ATXN7: variants seen among roughly 807,000 people sequenced by gnomAD.
ATXN7 encodes ataxin 7, also known as ataxin-7.
In ATXN7, 12 loss-of-function variants were observed where a neutral mutation model predicts 70.5. That is an observed-to-expected ratio of 0.17 (90% CI 0.11 to 0.28). ATXN7 has a LOEUF of 0.28. ATXN7 is among the 10% of genes least tolerant of loss of function. The probability of loss-of-function intolerance (pLI) is 1.00; values close to 1 mark genes in which losing one functional copy is unlikely to be tolerated. For synonymous variants in ATXN7, 498 were observed against 448.7 expected, an observed-to-expected ratio of 1.11 and a Z score of -1.39; for missense variants, 1,256 against 1,131.7, an observed-to-expected ratio of 1.11 and a Z score of -1.58.
intron 2 of ATXN7, among the ~76,000 whole-genome samples, chr3:63,908,791 T>C (rs1019964343): frequency 5.9e-5 from 9 of 152,198 alleles, no homozygotes; most frequent in African/African-American, 2.2e-4. Context: ...ATTTTATGAG[T>C]GCAAAGAATC....
chr3:63,961,876 C>T (rs1209016846), intron 5 of ATXN7, among the ~76,000 whole-genome samples: 2 of 152,182 alleles, frequency 1.3e-5, no homozygotes, highest in Non-Finnish European at 2.9e-5. Flanking sequence ...GGATATAAAT[C>T]CATATTTTAT....
chr3:63,920,012 T>A (rs1704445376), intron 4 of ATXN7, among the ~76,000 whole-genome samples: 1 of 152,010 alleles, frequency 6.6e-6, no homozygotes, highest in African/African-American at 2.4e-5. Flanking sequence ...AGCTGAAGCC[T>A]TGTTACAGGT....
chr3:63,940,155 C>T (rs149834164), intron 4 of ATXN7, among the ~76,000 whole-genome samples: 3 of 152,096 alleles, frequency 2.0e-5, no homozygotes, highest in East Asian at 3.9e-4. Flanking sequence ...TAGAGTTGTG[C>T]GCATGCCCAG....
chr3:63,926,118 C>T (rs1286566258), intron 4 of ATXN7, among the ~76,000 whole-genome samples: 6 of 152,142 alleles, frequency 3.9e-5, no homozygotes, highest in African/African-American at 1.2e-4. Context: ...TGTTTCTCCC[C>T]GGTAAAACCC....
At position 63,925,320 on chromosome 3, in the gene ATXN7, G is replaced by A. The variant is rs111761070; in HGVS notation, c.394+12095G>A. On this transcript the variant is annotated intron_variant, in intron 4 of 12. Transcript: ENST00000674280. ...TTGTAGTAGGGATCCCCAACTTCTC[G>A]GCTGTGGATCAGTACCCGCCTATGG... Among the ~76,000 whole-genome samples the A allele has an allele frequency of 2.2e-3, 338 of 152,206 alleles. 1 individual carries two copies. Among genetic ancestry groups the A allele is most frequent in the African/African-American group, 7.1e-3 (293 of 41,524 alleles).
chr3:63,963,688 C>G (rs1156770348), intron 5 of ATXN7, among the ~76,000 whole-genome samples: 1 of 152,150 alleles, frequency 6.6e-6, no homozygotes, highest in African/African-American at 2.4e-5. Context: ...TAACACTAAT[C>G]CCCTCTTTTT....
At chr3:63,879,108 C>T (rs951379126) in intron 1 of ATXN7, among the ~76,000 whole-genome samples, 1 of 152,106 alleles carries the variant, frequency 6.6e-6, no homozygotes, top group Non-Finnish European at 1.5e-5. Context: ...ATCATTTTAT[C>T]TCATCATCCT....
chr3:63,930,576 G>C (rs1704911596), intron 4 of ATXN7, among the ~76,000 whole-genome samples: 1 of 151,252 alleles, frequency 6.6e-6, no homozygotes, highest in Non-Finnish European at 1.5e-5. Context: ...CTGTTGCCCA[G>C]GCTGGAGTGC....
chr3:63,951,231 A>G (rs913477506), intron 4 of ATXN7, among the ~76,000 whole-genome samples: 3 of 152,122 alleles, frequency 2.0e-5, no homozygotes, highest in Non-Finnish European at 4.4e-5. Context: ...AGAAAATTCA[A>G]GCCATAGCCA....
chr3:63,880,760 A>G (rs1395051582), intron 1 of ATXN7, among the ~76,000 whole-genome samples: 1 of 152,132 alleles, frequency 6.6e-6, no homozygotes, highest in African/African-American at 2.4e-5. Context: ...TACTTGCTTT[A>G]AAACCCTGTG....
In ATXN7 at chr3:63,915,071, G is replaced by A. The variant is rs535137633; in HGVS notation, c.394+1846G>A. ...CTGCCTCAGCCTCCCGAGTAGCTGG[G>A]ACTGCAGGCGGCGGGCCACCACACC... On this transcript the variant is annotated intron_variant, in intron 4 of 12. Coordinates refer to ENST00000674280, the MANE Select transcript of ATXN7 (RefSeq NM_001377405.1). 3.8e-4 allele frequency among the ~76,000 whole-genome samples: 58 copies of A among 152,240 alleles called. 1 individual carries two copies. The South Asian group carries it at 7.3e-3, about 19-fold the overall frequency.
intron 4 of ATXN7, among the ~76,000 whole-genome samples, chr3:63,921,846 G>C (rs1225854047): frequency 1.3e-5 from 2 of 152,096 alleles, no homozygotes; most frequent in Non-Finnish European, 2.9e-5. Flanking sequence ...ATATAATGCA[G>C]GTTATCAGTA....
chr3:63,872,843 G>A (rs1702637789), intron 1 of ATXN7, among the ~76,000 whole-genome samples: 1 of 152,146 alleles, frequency 6.6e-6, no homozygotes, highest in Non-Finnish European at 1.5e-5. Flanking sequence ...TCTACATGTA[G>A]GTAGTATTAT....
intron 12 of ATXN7, 159 bp downstream of exon 12, chr3:63,996,642 G>C (rs1441434066): frequency 8.1e-6 from 6 of 740,854 alleles, no homozygotes; most frequent in African/African-American, 2.0e-5. Flanking sequence ...AAAAAAAAAA[G>C]GTTCACGGCC....
chr3:63,925,395 T>A (rs1704677193), intron 4 of ATXN7, among the ~76,000 whole-genome samples: 1 of 152,150 alleles, frequency 6.6e-6, no homozygotes, highest in African/African-American at 2.4e-5. Flanking sequence ...GGTGGGGGAC[T>A]GAGCATTACT....
intron 4 of ATXN7, among the ~76,000 whole-genome samples, chr3:63,932,697 C>A (rs1474013669): frequency 6.6e-6 from 1 of 152,176 alleles, no homozygotes; most frequent in Non-Finnish European, 1.5e-5. Context: ...TTTTCCCAGA[C>A]AATTTCCCTC....
intron 12 of ATXN7, 154 bp from the exon 13 acceptor site, chr3:63,999,296 A>C (rs2075807471): frequency 1.6e-6 from 1 of 641,050 alleles, no homozygotes; most frequent in South Asian, 2.0e-5. Context: ...AGCTAAGAAC[A>C]AAATCTATAG....
chr3:63,938,315 A>T (rs570647333), intron 4 of ATXN7, among the ~76,000 whole-genome samples: 1 of 152,354 alleles, frequency 6.6e-6, no homozygotes, highest in East Asian at 1.9e-4. Flanking sequence ...AAATAAGCAG[A>T]TGAACTAACG....
At chr3:63,913,104 C>T (rs1020999061) in intron 3 of ATXN7, 53 bp from the exon 4 acceptor site, 1 of 1,580,436 alleles carries the variant, frequency 6.3e-7, no homozygotes, top group South Asian at 1.1e-5. Context: ...GTGCGTCACA[C>T]TCCTGGCCAC....
Sources: gnomAD v4.1 joint callset for allele counts (sites outside exome capture counted in the v4.1 genomes callset) on GRCh38, gnomAD v4.1.1 for gene constraint, MANE v1.5 for transcripts, NCBI Gene and HGNC (gene_info 2026-07-23, HGNC 2026-07-21) for gene names.